BCHE: variants seen among roughly 807,000 people sequenced by gnomAD.
BCHE encodes the protein cholinesterase.
Under a neutral mutation model 51.3 loss-of-function variants are expected in BCHE, and 48 were observed. The ratio of observed to expected loss-of-function variants is 0.94; its 90% CI spans 0.74 to 1.19. The LOEUF (loss-of-function observed/expected upper bound fraction) is 1.19, where lower values mean the gene tolerates loss of function less well. Among genes scored for constraint, BCHE ranks in the 50% most tolerant of loss-of-function variants. The probability of loss-of-function intolerance (pLI) is 0.00; values close to 1 mark genes in which losing one functional copy is unlikely to be tolerated. For synonymous variants in BCHE, 251 were observed against 238.0 expected, an observed-to-expected ratio of 1.05 and a Z score of -0.50; for missense variants, 847 against 708.2, an observed-to-expected ratio of 1.20 and a Z score of -2.23.
In BCHE at chr3:165,819,842, T is replaced by G. The variant is rs183521004; in HGVS notation, c.1517+9675A>C. ...CATTTTATTTACTATGTTTTGTTAC[T>G]TTGCAATATTTAAGCTATTATTTCT... On this transcript the variant is annotated intron_variant, in intron 2 of 3. Coordinates refer to ENST00000264381, the MANE Select transcript of BCHE (RefSeq NM_000055.4). Among the ~76,000 whole-genome samples, 3 of 152,312 alleles carry G rather than the reference T, an allele frequency of 2.0e-5. No individual in the cohort carries two copies. The East Asian group carries it at 5.8e-4, about 29-fold the overall frequency.
At chr3:165,811,608 A>G (rs1301463539) in intron 2 of BCHE, among the ~76,000 whole-genome samples, 1 of 152,076 alleles carries the variant, frequency 6.6e-6, no homozygotes, top group Non-Finnish European at 1.5e-5. Flanking sequence ...AGAAAATTCT[A>G]TTTTTGGAAT....
intron 2 of BCHE, among the ~76,000 whole-genome samples, chr3:165,823,253 T>C (rs1714595505): frequency 1.3e-5 from 2 of 152,118 alleles, no homozygotes; most frequent in Non-Finnish European, 2.9e-5. Context: ...AATTTAAAAA[T>C]CTTGTATCTC....
chr3:165,799,623 T>C (rs1008375488), intron 2 of BCHE, among the ~76,000 whole-genome samples: 5 of 152,090 alleles, frequency 3.3e-5, no homozygotes, highest in African/African-American at 1.2e-4. Context: ...CAAATAAACA[T>C]TGTAAGTCAG....
At chr3:165,821,924 A>C (rs1035525378) in intron 2 of BCHE, among the ~76,000 whole-genome samples, 2 of 135,432 alleles carry the variant, frequency 1.5e-5, no homozygotes, top group African/African-American at 5.8e-5. Flanking sequence ...AGTGGTGAAA[A>C]ATGTATTAAT....
chr3:165,795,664 CTTAG>C (rs1383505141), intron 2 of BCHE, among the ~76,000 whole-genome samples: 2 of 151,914 alleles, frequency 1.3e-5, no homozygotes, highest in Non-Finnish European at 2.9e-5. Flanking sequence ...CAGTTTTTTT[CTTAG>C]TTAAATAATA....
chr3:165,829,500 C>T lies in BCHE; in HGVS notation c.1517+17G>A. On this transcript the variant is annotated intron_variant, in intron 2 of 3. Transcript: ENST00000264381. Reference sequence around the variant, plus strand: ...ATCAAACCAAGCCAGAGAACAATGACAAAAATCAGCACTTACCCATATTTT... The same window carrying T: ...ATCAAACCAAGCCAGAGAACAATGATAAAAATCAGCACTTACCCATATTTT... 1 of 1,602,866 alleles carries T rather than the reference C, an allele frequency of 6.2e-7. No homozygotes were observed. Among genetic ancestry groups the T allele is most frequent in the Non-Finnish European group, 8.5e-7 (1 of 1,170,010 alleles).
intron 2 of BCHE, among the ~76,000 whole-genome samples, chr3:165,793,662 A>G (rs187596098): frequency 8.5e-5 from 13 of 152,352 alleles, no homozygotes; most frequent in Admixed American, 6.5e-4. Context: ...ATTTTTAAGA[A>G]AAACAGTATT....
intron 2 of BCHE, among the ~76,000 whole-genome samples, chr3:165,809,491 G>A (rs184420994): frequency 1.2e-3 from 176 of 152,112 alleles, no homozygotes; most frequent in African/African-American, 4.0e-3. Flanking sequence ...GGATGAATGA[G>A]CAGATTTTAA....
chr3:165,820,769 G>C (rs889327141), intron 2 of BCHE, among the ~76,000 whole-genome samples: 2 of 151,956 alleles, frequency 1.3e-5, no homozygotes, highest in South Asian at 4.1e-4. Flanking sequence ...GTCTCATGAT[G>C]TCTAATTTTA....
intron 2 of BCHE, among the ~76,000 whole-genome samples, chr3:165,786,645 C>T (rs536157451): frequency 1.3e-5 from 2 of 151,734 alleles, no homozygotes; most frequent in African/African-American, 4.8e-5. Flanking sequence ...ACTTTTGTTT[C>T]ATTATCTTCC....
At chr3:165,804,584 T>A (rs1173175577) in intron 2 of BCHE, among the ~76,000 whole-genome samples, 2 of 152,150 alleles carry the variant, frequency 1.3e-5, no homozygotes, top group African/African-American at 2.4e-5. Flanking sequence ...CCAGGGTTTT[T>A]GATAAGTTAA....
chr3:165,837,215 G>T, intron 1 of BCHE, 99 bp downstream of exon 1: 1 of 750,596 alleles, frequency 1.3e-6, no homozygotes, highest in South Asian at 1.6e-5. Context: ...AGCACCAAAG[G>T]GACACAACAA....
At chr3:165,816,303 A>G in intron 2 of BCHE, among the ~76,000 whole-genome samples, 1 of 151,994 alleles carries the variant, frequency 6.6e-6, no homozygotes, top group East Asian at 1.9e-4. Context: ...AAATAAAATT[A>G]AGTAGATAGA....
chr3:165,831,757 C>T (rs1714996255), intron 1 of BCHE, among the ~76,000 whole-genome samples: 1 of 152,100 alleles, frequency 6.6e-6, no homozygotes, highest in African/African-American at 2.4e-5. Context: ...AGAGCGAAGG[C>T]TGAGGATATA....
intron 2 of BCHE, among the ~76,000 whole-genome samples, chr3:165,800,971 TGTG>T (rs1015532784): frequency 1.3e-4 from 20 of 152,186 alleles, no homozygotes; most frequent in African/African-American, 3.9e-4. Flanking sequence ...TTTTTAATAA[TGTG>T]GTAATTTGGA....
intron 2 of BCHE, among the ~76,000 whole-genome samples, chr3:165,804,556 G>T (rs1307046865): frequency 1.3e-5 from 2 of 152,176 alleles, no homozygotes; most frequent in African/African-American, 4.8e-5. Context: ...CAACTGGAGG[G>T]AGGTAGAGAG....
chr3:165,820,369 C>A (rs543077105), intron 2 of BCHE, among the ~76,000 whole-genome samples: 33 of 151,816 alleles, frequency 2.2e-4, no homozygotes, highest in African/African-American at 6.8e-4. Context: ...TTTTTTAAAC[C>A]TACATTTATA....
At chr3:165,784,170 C>T (rs559911877) in intron 3 of BCHE, among the ~76,000 whole-genome samples, 4 of 151,960 alleles carry the variant, frequency 2.6e-5, no homozygotes, top group South Asian at 2.1e-4. Flanking sequence ...ATCTGACTAA[C>T]GCATTCTCAA....
rs372839550 is a variant in BCHE, at chr3:165,829,897, C to T, written c.1137G>A (p.Gln379=). The change falls in exon 2 of 4, where the codon CAG becomes CAA. Residue 379 remains glutamine (Q), a synonymous_variant. Transcript: ENST00000264381. ...CTGGAAAAAATATTTTTAAACCTTC[C>T]TGAAATTCTTTTCTAGTTATGATAC... The part of the protein sequence containing the change: ...NNSIITRKEF[Q]EGLKIFFPGV... The T allele has an allele frequency of 4.6e-5, 74 of 1,610,910 alleles. 1 individual carries two copies. Among genetic ancestry groups the T allele is most frequent in the Non-Finnish European group, 5.7e-5 (67 of 1,179,248 alleles).
Sources: gnomAD v4.1 joint callset for allele counts (sites outside exome capture counted in the v4.1 genomes callset) on GRCh38, gnomAD v4.1.1 for gene constraint, MANE v1.5 for transcripts, NCBI Gene and HGNC (gene_info 2026-07-23, HGNC 2026-07-21) for gene names.